Variants in TMEM108 observed in about 807,000 individuals in gnomAD.
TMEM108 encodes the protein cancer/testis antigen 124.
In TMEM108, 12 loss-of-function variants were observed where a neutral mutation model predicts 35.1. The ratio of observed to expected loss-of-function variants is 0.34; its 90% CI spans 0.22 to 0.55. The LOEUF (loss-of-function observed/expected upper bound fraction) is 0.55, where lower values mean the gene tolerates loss of function less well. Ranked by LOEUF, TMEM108 falls within the 20% of genes least tolerant of loss-of-function variation. The pLI is 0.89. For missense variants in TMEM108, 680 were observed against 753.3 expected (o/e 0.90, Z 1.14); for synonymous variants, 287 against 308.6 (o/e 0.93, Z 0.73).
chr3:133,340,989 C>G (rs1391478390), intron 3 of TMEM108, among the ~76,000 whole-genome samples: 1 of 151,786 alleles, frequency 6.6e-6, no homozygotes, highest in African/African-American at 2.4e-5. Context: ...AGACTTTCCT[C>G]TAAGATCTAG....
chr3:133,326,925 C>T (rs1399814793), intron 3 of TMEM108, among the ~76,000 whole-genome samples: 1 of 152,180 alleles, frequency 6.6e-6, no homozygotes, highest in Non-Finnish European at 1.5e-5. Flanking sequence ...GTATTATTTT[C>T]CCACCTCCGT....
chr3:133,258,267 G>A (rs1946576120), intron 3 of TMEM108, among the ~76,000 whole-genome samples: 1 of 152,190 alleles, frequency 6.6e-6, no homozygotes, highest in Admixed American at 6.5e-5. Flanking sequence ...CTGGCACCTT[G>A]ATCTTGGGCT....
intron 2 of TMEM108, among the ~76,000 whole-genome samples, chr3:133,056,811 A>G (rs1943470934): frequency 6.6e-6 from 1 of 152,238 alleles, no homozygotes; most frequent in African/African-American, 2.4e-5. Context: ...CAGCAATTTC[A>G]TGGCCACTGT....
chr3:133,387,364 A>C, intron 4 of TMEM108: 1 of 985,462 alleles, frequency 1.0e-6, no homozygotes. Flanking sequence ...TAAGTAAATG[A>C]AATGGTGTTT....
intron 3 of TMEM108, among the ~76,000 whole-genome samples, chr3:133,296,402 C>T (rs1479953553): frequency 6.6e-6 from 1 of 152,144 alleles, no homozygotes; most frequent in Non-Finnish European, 1.5e-5. Flanking sequence ...GCTTAGAACC[C>T]TCATGGGGAT....
At position 133,293,475 on chromosome 3, in the gene TMEM108, G is replaced by A. The variant is rs186844804; in HGVS notation, c.40+64124G>A. 9.6e-4 allele frequency among the ~76,000 whole-genome samples: 145 copies of A among 151,728 alleles called. No homozygotes were observed. The Middle Eastern group carries it at 0.014, about 14-fold the overall frequency. ...ATTAAATGAATGAGGTTTGGACACT[G>A]TCCAGTATTGAATTAGATGCACTCA... On this transcript the variant is annotated intron_variant, in intron 3 of 5. Transcript: ENST00000321871.
At chr3:133,184,028 G>T (rs540545826) in intron 2 of TMEM108, among the ~76,000 whole-genome samples, 16 of 152,274 alleles carry the variant, frequency 1.1e-4, no homozygotes, top group African/African-American at 3.8e-4. Context: ...TGGATGCCAG[G>T]CAGTACAGAC....
chr3:133,213,661 T>C (rs1238520128), intron 2 of TMEM108, among the ~76,000 whole-genome samples: 6 of 152,190 alleles, frequency 3.9e-5, no homozygotes, highest in Non-Finnish European at 5.9e-5. Context: ...CAGAAACAAA[T>C]GATACTAGCT....
chr3:133,188,853 T>G (rs1404072561), intron 2 of TMEM108, among the ~76,000 whole-genome samples: 1 of 152,152 alleles, frequency 6.6e-6, no homozygotes, highest in East Asian at 1.9e-4. Context: ...CGTATAGTCA[T>G]TTAGGGACCC....
At chr3:133,052,245 T>C (rs1448409736) in intron 2 of TMEM108, among the ~76,000 whole-genome samples, 1 of 152,168 alleles carries the variant, frequency 6.6e-6, no homozygotes, top group Non-Finnish European at 1.5e-5. Context: ...GAGATACTAA[T>C]ATAAATGGTA....
intron 2 of TMEM108, among the ~76,000 whole-genome samples, chr3:133,094,226 A>ACCCCCCCCCCCCCC (rs1943983823): frequency 5.6e-5 from 1 of 17,966 alleles, no homozygotes; most frequent in Non-Finnish European, 1.2e-4. Flanking sequence ...CTCCCACCCC[A>ACCCCCCCCCCCCCC]CCCCCCACCC....
At chr3:133,040,478 C>T (rs1406727644) in intron 1 of TMEM108, among the ~76,000 whole-genome samples, 2 of 152,062 alleles carry the variant, frequency 1.3e-5, no homozygotes, top group Non-Finnish European at 2.9e-5. Context: ...GCTGGGATTA[C>T]AGGCATGAGC....
At position 133,050,465 on chromosome 3, in the gene TMEM108, C is replaced by T. The variant is rs571015165; in HGVS notation, c.-47+4445C>T. 3.9e-5 allele frequency among the ~76,000 whole-genome samples: 6 copies of T among 152,216 alleles called. No individual in the cohort carries two copies. The East Asian group carries it at 5.8e-4, about 15-fold the overall frequency. ...CCTCCCCCAATGTCAGCATCACCCA[C>T]CAGAATGGCACATTTGTTAGAACTG... On this transcript the variant is annotated intron_variant, in intron 2 of 5. Coordinates refer to ENST00000321871, the MANE Select transcript of TMEM108 (RefSeq NM_023943.4).
In TMEM108 at chr3:133,225,210, C is replaced by G. The variant is rs1395420234; in HGVS notation, c.-46-4056C>G. ...TACAGGTGCGTGCCACCATGCCCGG[C>G]TAATTTTTTGTATTTTTAGTAGAGA... On this transcript the variant is annotated intron_variant, in intron 2 of 5. Transcript: ENST00000321871. Among the ~76,000 whole-genome samples the G allele has an allele frequency of 2.0e-5, 3 of 152,120 alleles. No homozygotes were observed. The East Asian group carries it at 5.8e-4, about 29-fold the overall frequency.
intron 2 of TMEM108, among the ~76,000 whole-genome samples, chr3:133,185,659 C>T (rs914616060): frequency 6.6e-6 from 1 of 151,872 alleles, no homozygotes; most frequent in African/African-American, 2.4e-5. Flanking sequence ...GGGAGCAAGA[C>T]TTCAGTGAGT....
intron 2 of TMEM108, among the ~76,000 whole-genome samples, chr3:133,225,272 T>C (rs886977337): frequency 8.5e-5 from 13 of 152,058 alleles, no homozygotes; most frequent in African/African-American, 2.4e-4. Flanking sequence ...GGTCTCGATC[T>C]CCTGACCTCG....
chr3:133,311,260 C>G (rs999905282), intron 3 of TMEM108, among the ~76,000 whole-genome samples: 12 of 152,124 alleles, frequency 7.9e-5, no homozygotes, highest in African/African-American at 2.9e-4. Flanking sequence ...GAAAGTTGGC[C>G]TTGCTAGGTT....
At chr3:133,219,332 T>A (rs937939427) in intron 2 of TMEM108, among the ~76,000 whole-genome samples, 5 of 152,124 alleles carry the variant, frequency 3.3e-5, no homozygotes, top group Non-Finnish European at 7.4e-5. Context: ...ATTGTTTATA[T>A]GGTCTCTCTG....
In TMEM108 at chr3:133,380,171, A is replaced by G; in HGVS notation, c.460A>G (p.Thr154Ala). 1 of 1,612,266 alleles carries G rather than the reference A, an allele frequency of 6.2e-7. No individual in the cohort carries two copies. Among genetic ancestry groups the G allele is most frequent in the Non-Finnish European group, 8.5e-7 (1 of 1,179,226 alleles). The change falls in exon 4 of 6, where the codon ACC (threonine) becomes GCC (alanine). Residue 154 changes from threonine to alanine, a missense_variant. Thr to Ala is a moderately conservative substitution (Grantham distance 58). Around this residue, in one of 3 missense-constraint regions of TMEM108, gnomAD observed 526 missense variants for 532.1 expected, o/e 0.99. Coordinates refer to ENST00000321871, the MANE Select transcript of TMEM108 (RefSeq NM_023943.4). The surrounding 1 kb of genome is among the most constrained non-coding windows in gnomAD (Gnocchi z 5.3). The stretch of plus-strand genomic sequence containing the variant: ...GCCACCGGGGGCCACCAGCCGCCCC[A>G]CCACAGCGCCCCCCCGCACTACCAC... ...TKPPGATSRPTTAPPRTTTRR... is the reference protein window; with the variant it reads ...TKPPGATSRPATAPPRTTTRR...
Sources: gnomAD v4.1 joint callset for allele counts (sites outside exome capture counted in the v4.1 genomes callset) on GRCh38, gnomAD v4.1.1 for gene constraint, gnomAD v4.1.1 regional missense constraint, Gnocchi (gnomAD v3.1) non-coding constraint, MANE v1.5 for transcripts, NCBI Gene and HGNC (gene_info 2026-07-23, HGNC 2026-07-21) for gene names.